Variants in CADPS observed in about 807,000 individuals in gnomAD.
CADPS encodes the protein calcium dependent secretion activator, also known as calcium-dependent secretion activator 1.
In CADPS, 57 loss-of-function variants were observed where a neutral mutation model predicts 167.3. That is an observed-to-expected ratio of 0.34 (90% CI 0.28 to 0.42). CADPS has a LOEUF of 0.42. Ranked by LOEUF, CADPS falls within the 20% of genes least tolerant of loss-of-function variation. The pLI is 1.00. For synonymous variants in CADPS, 676 were observed against 635.3 expected (o/e 1.06, Z -0.96); for missense variants, 1,414 against 1,738.1 (o/e 0.81, Z 3.32).
chr3:62,516,549 T>C (rs2069044758), intron 15 of CADPS, 31 bp downstream of exon 15: 1 of 1,488,140 alleles, frequency 6.7e-7, no homozygotes. Context: ...TTTTTATATA[T>C]ATGTGATCTA....
chr3:62,845,387 G>C (rs2077249197), intron 1 of CADPS, among the ~76,000 whole-genome samples: 1 of 152,186 alleles, frequency 6.6e-6, no homozygotes, highest in Admixed American at 6.5e-5. Flanking sequence ...ATTTGAACAA[G>C]TTACTTTAAC....
chr3:62,486,214 A>C (rs1299345109), intron 21 of CADPS, among the ~76,000 whole-genome samples: 1 of 152,206 alleles, frequency 6.6e-6, no homozygotes, highest in African/African-American at 2.4e-5. Flanking sequence ...TGGGAGGCCA[A>C]GGCTGGTGGA....
At chr3:62,675,213 G>T (rs2076159329) in intron 3 of CADPS, among the ~76,000 whole-genome samples, 1 of 151,884 alleles carries the variant, frequency 6.6e-6, no homozygotes, top group African/African-American at 2.4e-5. Flanking sequence ...CTGAAAGCCA[G>T]TTTGCTGAAA....
At chr3:62,812,787 C>T (rs1407753072) in intron 1 of CADPS, among the ~76,000 whole-genome samples, 1 of 152,132 alleles carries the variant, frequency 6.6e-6, no homozygotes, top group Non-Finnish European at 1.5e-5. Flanking sequence ...TAAGAGAGAG[C>T]ATCAGACCAA....
At position 62,712,590 on chromosome 3, in the gene CADPS, G is replaced by A. The variant is rs565024186; in HGVS notation, c.888+40851C>T. Among the ~76,000 whole-genome samples the A allele has an allele frequency of 8.3e-4, 127 of 152,198 alleles. 1 individual carries two copies. The highest frequency in any genetic ancestry group is 2.9e-3 in the African/African-American group (119 of 41,552). ...GCCTTGTTGTTCACCTCTTAATGTCGTTTCTCCAGCTTGCATCCTTAATTT... is the reference window on the plus strand; with the variant it reads ...GCCTTGTTGTTCACCTCTTAATGTCATTTCTCCAGCTTGCATCCTTAATTT... On this transcript the variant is annotated intron_variant, in intron 3 of 29. Coordinates refer to ENST00000383710, the MANE Select transcript of CADPS (RefSeq NM_003716.4).
intron 1 of CADPS, among the ~76,000 whole-genome samples, chr3:62,859,683 A>G (rs887280023): frequency 2.0e-5 from 3 of 152,224 alleles, no homozygotes; most frequent in Admixed American, 6.5e-5. Flanking sequence ...ACTGCCAGGC[A>G]AACAGGAAGG....
At chr3:62,484,666 ATGTCACAGATGTG>A (rs2062539455) in intron 21 of CADPS, among the ~76,000 whole-genome samples, 1 of 152,184 alleles carries the variant, frequency 6.6e-6, no homozygotes, top group South Asian at 2.1e-4. Flanking sequence ...ACATGGATGA[ATGTCACAGATGTG>A]TGCACGTCTC....
At chr3:62,831,757 A>G (rs2075134255) in intron 1 of CADPS, among the ~76,000 whole-genome samples, 2 of 152,188 alleles carry the variant, frequency 1.3e-5, no homozygotes, top group Non-Finnish European at 2.9e-5. Flanking sequence ...ACTACATAAA[A>G]AGCAGTAAAT....
rs1362366207 is a variant in CADPS at position 62,475,301 on chromosome 3, T to C, written c.3330-981A>G. Among the ~76,000 whole-genome samples the C allele has an allele frequency of 3.9e-5, 6 of 152,270 alleles. No homozygotes were observed. The East Asian group carries it at 1.2e-3, about 29-fold the overall frequency. ...TAAAAGGTTTCAGGGAAGTGGGTGATATCATCAAATGTCTTTAAAGAAAAG... is the reference window on the plus strand; with the variant it reads ...TAAAAGGTTTCAGGGAAGTGGGTGACATCATCAAATGTCTTTAAAGAAAAG... On this transcript the variant is annotated intron_variant, in intron 23 of 29. Coordinates refer to ENST00000383710, the MANE Select transcript of CADPS (RefSeq NM_003716.4).
At chr3:62,808,943 A>G (rs1188723849) in intron 1 of CADPS, among the ~76,000 whole-genome samples, 3 of 152,158 alleles carry the variant, frequency 2.0e-5, no homozygotes, top group Non-Finnish European at 4.4e-5. Flanking sequence ...CCAACTCAAT[A>G]AACAATACCA....
chr3:62,436,256 G>C (rs1056302367), intron 28 of CADPS, among the ~76,000 whole-genome samples: 5 of 152,016 alleles, frequency 3.3e-5, no homozygotes, highest in African/African-American at 1.2e-4. Flanking sequence ...ATCAAATTCA[G>C]TACTAGATTT....
At chr3:62,476,488 G>C (rs1426666322) in intron 23 of CADPS, among the ~76,000 whole-genome samples, 4 of 152,126 alleles carry the variant, frequency 2.6e-5, no homozygotes, top group Admixed American at 2.6e-4. Flanking sequence ...GTCAGTAAAA[G>C]GTTGCTTAAC....
At chr3:62,769,291 G>T (rs1205920880) in intron 1 of CADPS, among the ~76,000 whole-genome samples, 1 of 151,864 alleles carries the variant, frequency 6.6e-6, no homozygotes, top group Non-Finnish European at 1.5e-5. Context: ...GAGTGCAGTG[G>T]TGTGATCTCG....
intron 3 of CADPS, among the ~76,000 whole-genome samples, chr3:62,687,503 TA>T (rs1177162120): frequency 6.6e-6 from 1 of 152,064 alleles, no homozygotes; most frequent in Non-Finnish European, 1.5e-5. Flanking sequence ...TTGTTGTTTT[TA>T]ATTAAATGAC....
At chr3:62,502,404 A>G (rs374156749) in intron 17 of CADPS, among the ~76,000 whole-genome samples, 4 of 152,190 alleles carry the variant, frequency 2.6e-5, no homozygotes, top group African/African-American at 9.7e-5. Context: ...AATGGAACTA[A>G]AAATATAGTA....
intron 11 of CADPS, among the ~76,000 whole-genome samples, chr3:62,547,596 C>T (rs866401176): frequency 8.7e-6 from 1 of 115,086 alleles, no homozygotes; most frequent in Non-Finnish European, 1.8e-5. Context: ...GCCCCCCCCC[C>T]CCCGCAAATT....
intron 3 of CADPS, among the ~76,000 whole-genome samples, chr3:62,716,761 A>G (rs540214017): frequency 6.6e-6 from 1 of 152,326 alleles, no homozygotes; most frequent in East Asian, 1.9e-4. Flanking sequence ...AACGCCTATC[A>G]TGTAGTTTGA....
At chr3:62,614,536 C>T (rs939849188) in intron 6 of CADPS, among the ~76,000 whole-genome samples, 2 of 152,204 alleles carry the variant, frequency 1.3e-5, no homozygotes, top group African/African-American at 4.8e-5. Flanking sequence ...GCTCCTTTAT[C>T]TTGTCCCTTG....
At position 62,421,116 on chromosome 3, in the gene CADPS, A is replaced by G. The variant is rs1310465888; in HGVS notation, c.3777+16988T>C. Among the ~76,000 whole-genome samples the G allele has an allele frequency of 1.3e-5, 2 of 152,072 alleles. No individual in the cohort carries two copies. Among genetic ancestry groups the G allele is most frequent in the African/African-American group, 4.8e-5 (2 of 41,402 alleles). ...TCAGGTCCCCCATTGAAGTGTTCAGATGGGTCTAGGGCCTGAGCACAGAGA... is the reference window on the plus strand; with the variant it reads ...TCAGGTCCCCCATTGAAGTGTTCAGGTGGGTCTAGGGCCTGAGCACAGAGA... On this transcript the variant is annotated intron_variant, in intron 28 of 29. Transcript: ENST00000383710. This position sits in a 1 kb window ranked among gnomAD's most constrained non-coding sequence, Gnocchi z 4.7.
Sources: gnomAD v4.1 joint callset for allele counts (sites outside exome capture counted in the v4.1 genomes callset) on GRCh38, gnomAD v4.1.1 for gene constraint, Gnocchi (gnomAD v3.1) non-coding constraint, MANE v1.5 for transcripts, NCBI Gene and HGNC (gene_info 2026-07-23, HGNC 2026-07-21) for gene names.